UNC5D: variants seen among roughly 807,000 people sequenced by gnomAD.
UNC5D encodes unc-5 netrin receptor D, also known as netrin receptor UNC5D.
In UNC5D, 39 loss-of-function variants were observed where a neutral mutation model predicts 105.4. The observed-to-expected ratio is 0.37, with a 90% CI of 0.29 to 0.48. UNC5D has a LOEUF of 0.48. Among genes scored for constraint, UNC5D ranks in the 20% least tolerant of loss-of-function variants. The pLI, the probability that UNC5D is intolerant of heterozygous loss-of-function variation, is 0.98. For missense variants in UNC5D, 991 were observed against 1,202.4 expected (o/e 0.82, Z 2.60); for synonymous variants, 452 against 450.4 (o/e 1.00, Z -0.04).
intron 4 of UNC5D, among the ~76,000 whole-genome samples, chr8:35,635,905 A>G (rs1318744499): frequency 1.3e-5 from 2 of 152,174 alleles, no homozygotes; most frequent in East Asian, 3.9e-4. Context: ...GGTGTGCTGA[A>G]AAGTGGCATG....
chr8:35,695,126 C>A (rs1348714018), intron 7 of UNC5D, among the ~76,000 whole-genome samples: 1 of 152,004 alleles, frequency 6.6e-6, no homozygotes, highest in Non-Finnish European at 1.5e-5. Flanking sequence ...AAATACTGTC[C>A]GCTGTCAAAA....
In UNC5D at chr8:35,796,476, G is replaced by A. The variant is rs1413153647; in HGVS notation, c.*5913G>A. On this transcript the variant is annotated 3_prime_UTR_variant, in exon 17 of 17. Transcript: ENST00000404895. ...AACTGGATGGTTGCAGACTTTTCAA[G>A]ATAAATGTACAGACGTAAATTACTG... 1 of 135,570 alleles carries A rather than the reference G, an allele frequency of 7.4e-6. No homozygotes were observed. Among genetic ancestry groups the A allele is most frequent in the Non-Finnish European group, 1.6e-5 (1 of 64,132 alleles). 8.4% of individuals were successfully genotyped at this position (135,570 alleles called of 1,614,324 possible).
chr8:35,641,387 A>AAAAAAAAAAAAAAAAAAAG (rs1563621898), intron 4 of UNC5D, among the ~76,000 whole-genome samples: 1 of 139,372 alleles, frequency 7.2e-6, no homozygotes, highest in African/African-American at 2.7e-5. Context: ...AAAAAAAAAG[A>AAAAAAAAAAAAAAAAAAAG]AAAAAAAAAA....
intron 4 of UNC5D, among the ~76,000 whole-genome samples, chr8:35,677,910 G>GTA (rs1825371282): frequency 6.6e-6 from 1 of 151,360 alleles, no homozygotes; most frequent in South Asian, 2.1e-4. Flanking sequence ...GTGTGTGTAT[G>GTA]TGTGTGTGTA....
intron 1 of UNC5D, among the ~76,000 whole-genome samples, chr8:35,358,640 A>G (rs1801690345): frequency 1.3e-5 from 2 of 152,138 alleles, no homozygotes; most frequent in African/African-American, 4.8e-5. Context: ...TGTACCCTAG[A>G]ACTTAAAAAA....
At chr8:35,647,785 G>T (rs1467679062) in intron 4 of UNC5D, among the ~76,000 whole-genome samples, 1 of 152,076 alleles carries the variant, frequency 6.6e-6, no homozygotes, top group African/African-American at 2.4e-5. Flanking sequence ...GAGTGGTTTT[G>T]GGCTTCTTTT....
intron 1 of UNC5D, among the ~76,000 whole-genome samples, chr8:35,380,198 GGAGAGAGA>G (rs35266582): frequency 1.3e-4 from 18 of 135,242 alleles, no homozygotes; most frequent in Admixed American, 1.1e-3. Context: ...AGACCGAGAG[GGAGAGAGA>G]GAGAGAGAGA....
chr8:35,633,721 C>T (rs979133740), intron 4 of UNC5D, among the ~76,000 whole-genome samples: 2 of 152,178 alleles, frequency 1.3e-5, no homozygotes, highest in African/African-American at 4.8e-5. Flanking sequence ...TACCATTGCA[C>T]ACCAGCTTAG....
chr8:35,473,492 A>G (rs1809881204), intron 1 of UNC5D, among the ~76,000 whole-genome samples: 1 of 152,080 alleles, frequency 6.6e-6, no homozygotes, highest in African/African-American at 2.4e-5. Flanking sequence ...ATTAATTGAC[A>G]CCCATTATTA....
At chr8:35,434,939 T>C (rs2128978340) in intron 1 of UNC5D, among the ~76,000 whole-genome samples, 1 of 152,172 alleles carries the variant, frequency 6.6e-6, no homozygotes, top group South Asian at 2.1e-4. Context: ...AAATTGTATG[T>C]CGTGTGTGTG....
chr8:35,235,479 A>C lies in UNC5D; in HGVS notation c.-306A>C. 1 of 262,392 alleles carries C rather than the reference A, an allele frequency of 3.8e-6. No individual in the cohort carries two copies. The highest frequency in any genetic ancestry group is 7.1e-6 in the Non-Finnish European group (1 of 140,000). 16.3% of individuals were successfully genotyped at this position (262,392 alleles called of 1,614,324 possible). On this transcript the variant is annotated 5_prime_UTR_variant, in exon 1 of 17. Transcript: ENST00000404895. ...ATGCGGACTCTCGCCTCCGCTCCGT[A>C]GTTCGGGGCCCGGCAGCGGCGCGAG...
Position 35,407,507 on chromosome 8 carries a change from TTGTATGTA to T in UNC5D, c.104-141751_104-141744del, listed in dbSNP as rs59074158. On this transcript the variant is annotated intron_variant, in intron 1 of 16. Transcript: ENST00000404895. The stretch of plus-strand genomic sequence containing the variant: ...GCACTACAGAAATACAGGTTTTCAT[TTGTATGTA>T]TGTATGTATGTATGTATGTATGTAT... 3.4e-3 allele frequency among the ~76,000 whole-genome samples: 516 copies of T among 150,914 alleles called. 2 individuals carry two copies. Among genetic ancestry groups the T allele is most frequent in the African/African-American group, 0.011 (462 of 40,966 alleles).
chr8:35,253,112 G>A (rs903703100), intron 1 of UNC5D, among the ~76,000 whole-genome samples: 2 of 151,938 alleles, frequency 1.3e-5, no homozygotes, highest in African/African-American at 4.8e-5. Flanking sequence ...GTCTGTGTGT[G>A]TGTGTGTGTG....
chr8:35,769,020 T>G (rs1440778224), intron 15 of UNC5D, among the ~76,000 whole-genome samples: 1 of 152,202 alleles, frequency 6.6e-6, no homozygotes, highest in African/African-American at 2.4e-5. Flanking sequence ...TAAACTGTAT[T>G]TTTTAGACAA....
At chr8:35,760,012 CAAAG>C (rs1187885288) in intron 14 of UNC5D, among the ~76,000 whole-genome samples, 1 of 149,670 alleles carries the variant, frequency 6.7e-6, no homozygotes, top group Non-Finnish European at 1.5e-5. Flanking sequence ...AATTGAAAAG[CAAAG>C]AAAGAACATG....
intron 3 of UNC5D, among the ~76,000 whole-genome samples, chr8:35,594,883 G>A (rs1819392167): frequency 6.6e-6 from 1 of 152,166 alleles, no homozygotes; most frequent in South Asian, 2.1e-4. Context: ...TGTGTAAAAG[G>A]TTAATAGTAC....
At chr8:35,484,231 C>T (rs1810682329) in intron 1 of UNC5D, among the ~76,000 whole-genome samples, 1 of 152,082 alleles carries the variant, frequency 6.6e-6, no homozygotes, top group Admixed American at 6.5e-5. Context: ...AACAGTAGCC[C>T]CACATAACCT....
intron 1 of UNC5D, among the ~76,000 whole-genome samples, chr8:35,443,297 G>T (rs1240889358): frequency 1.3e-5 from 2 of 151,540 alleles, no homozygotes; most frequent in Non-Finnish European, 2.9e-5. Context: ...GAGTCAGTTT[G>T]CTCTCTGTGG....
At chr8:35,658,566 T>TA (rs991873390) in intron 4 of UNC5D, among the ~76,000 whole-genome samples, 9 of 150,536 alleles carry the variant, frequency 6.0e-5, no homozygotes, top group African/African-American at 1.5e-4. Flanking sequence ...TGCATGATGA[T>TA]AAAAAATCAA....
Sources: allele counts gnomAD v4.1 joint callset (sites outside exome capture counted in the v4.1 genomes callset), GRCh38; gene constraint gnomAD v4.1.1; transcripts MANE v1.5; gene names NCBI Gene and HGNC (gene_info 2026-07-23, HGNC 2026-07-21).